The following GLIS3 variants were observed in gnomAD, a reference collection of about 807,000 sequenced individuals.
GLIS3 encodes zinc finger protein GLIS3.
Under a neutral mutation model 78.6 loss-of-function variants are expected in GLIS3, and 53 were observed. The observed-to-expected ratio is 0.67, with a 90% CI of 0.54 to 0.85. The LOEUF (loss-of-function observed/expected upper bound fraction) is 0.85. Ranked by LOEUF, GLIS3 falls within the 40% of genes least tolerant of loss-of-function variation. The pLI, the probability that GLIS3 is intolerant of heterozygous loss-of-function variation, is 0.00. For synonymous variants in GLIS3, 684 were observed against 509.9 expected (o/e 1.34, Z -4.60); for missense variants, 1,703 against 1,231.1 (o/e 1.38, Z -5.74).
At chr9:4,285,295 T>C (rs1827892348) in intron 2 of GLIS3, among the ~76,000 whole-genome samples, 2 of 152,252 alleles carry the variant, frequency 1.3e-5, no homozygotes, top group Non-Finnish European at 2.9e-5. Flanking sequence ...CAATTTCTAA[T>C]GTGTCGCTCA....
chr9:4,403,191 AACTTTT>A, the GLIS3 span, among the ~76,000 whole-genome samples: 2 of 152,304 alleles, frequency 1.3e-5, no homozygotes, highest in African/African-American at 4.8e-5. Flanking sequence ...GACGGAACAT[AACTTTT>A]ACCCTATCTG....
At chr9:4,357,796 G>C in the GLIS3 span, among the ~76,000 whole-genome samples, 1 of 152,112 alleles carries the variant, frequency 6.6e-6, no homozygotes, top group Non-Finnish European at 1.5e-5. Flanking sequence ...TGAATACAGG[G>C]ATCAGGGCCA....
the GLIS3 span, among the ~76,000 whole-genome samples, chr9:4,382,485 G>A: frequency 1.1e-4 from 16 of 152,244 alleles, no homozygotes; most frequent in Non-Finnish European, 2.1e-4. Context: ...AAGCCTCTCT[G>A]ATTACCTCAC....
chr9:3,879,146 G>A (rs565389866), intron 8 of GLIS3, among the ~76,000 whole-genome samples: 62 of 152,268 alleles, frequency 4.1e-4, no homozygotes, highest in African/African-American at 1.1e-3. Flanking sequence ...GAAACAGACC[G>A]ATGAAAGGTA....
intron 2 of GLIS3, among the ~76,000 whole-genome samples, chr9:4,334,919 TTTTTTTTG>T (rs1219679013): frequency 6.7e-6 from 1 of 148,752 alleles, no homozygotes; most frequent in African/African-American, 2.5e-5. Context: ...TTTTTTTTTT[TTTTTTTTG>T]AAACGGAGTC....
intron 4 of GLIS3, among the ~76,000 whole-genome samples, chr9:4,083,108 AATTTG>A (rs1277821188): frequency 6.6e-6 from 1 of 152,166 alleles, no homozygotes; most frequent in African/African-American, 2.4e-5. Context: ...AGGGAACAGA[AATTTG>A]ATTTAATTGA....
Position 3,827,562 on chromosome 9 carries a change from G to A in GLIS3, c.*710C>T, listed in dbSNP as rs1256515506. The A allele has an allele frequency of 1.3e-5, 2 of 152,916 alleles. No individual in the cohort carries two copies. Among genetic ancestry groups the A allele is most frequent in the East Asian group, 1.9e-4 (1 of 5,196 alleles). 9.5% of individuals were successfully genotyped at this position (152,916 alleles called of 1,614,324 possible). ...GCTGTGCAAAATGTCTATAGCTGGG[G>A]TGATTACAATAATAATGATTTCCAT... On this transcript the variant is annotated 3_prime_UTR_variant, in exon 11 of 11. Coordinates refer to ENST00000381971, the MANE Select transcript of GLIS3 (RefSeq NM_001042413.2).
At chr9:3,958,403 T>TA (rs1817306222) in intron 4 of GLIS3, among the ~76,000 whole-genome samples, 1 of 151,780 alleles carries the variant, frequency 6.6e-6, no homozygotes, top group Non-Finnish European at 1.5e-5. Flanking sequence ...ATTTTACTAA[T>TA]AAAGAGGTAA....
At chr9:4,424,041 A>G in the GLIS3 span, among the ~76,000 whole-genome samples, 3 of 152,236 alleles carry the variant, frequency 2.0e-5, no homozygotes, top group Non-Finnish European at 2.9e-5. Context: ...AATGTTAGAA[A>G]TATTCCCTAA....
rs150869169 is a variant in GLIS3 at position 3,928,357 on chromosome 9, C to T, written c.1983+4003G>A. Among the ~76,000 whole-genome samples the T allele has an allele frequency of 2.2e-4, 34 of 152,348 alleles. No individual in the cohort carries two copies. In the East Asian group the frequency reaches 6.6e-3, roughly 29 times the overall value. Reference sequence around the variant, plus strand: ...GGGGTGGCCCTGATCATGCACCCCACTTGTGCATACACCATCTGCCGTCTA... The same window carrying T: ...GGGGTGGCCCTGATCATGCACCCCATTTGTGCATACACCATCTGCCGTCTA... On this transcript the variant is annotated intron_variant, in intron 6 of 10. Transcript: ENST00000381971.
intron 4 of GLIS3, among the ~76,000 whole-genome samples, chr9:3,968,873 G>A (rs906936846): frequency 2.4e-4 from 36 of 152,182 alleles, no homozygotes; most frequent in African/African-American, 8.4e-4. Context: ...CATCCACTGG[G>A]GTTTAGACTG....
At chr9:4,165,934 A>G (rs10758561) in intron 2 of GLIS3, among the ~76,000 whole-genome samples, 59,507 of 152,096 alleles carry the variant, frequency 0.39, 13,563 homozygotes, top group East Asian at 0.71. Context: ...GAGAGAAAGT[A>G]CTACTGTGCT....
intron 2 of GLIS3, among the ~76,000 whole-genome samples, chr9:4,324,458 A>C (rs1403602049): frequency 6.6e-6 from 1 of 152,254 alleles, no homozygotes; most frequent in Non-Finnish European, 1.5e-5. Flanking sequence ...TGAGAACCAT[A>C]TGAGATAAAA....
chr9:4,271,265 A>G (rs1489263839), intron 2 of GLIS3, among the ~76,000 whole-genome samples: 2 of 152,206 alleles, frequency 1.3e-5, no homozygotes, highest in Non-Finnish European at 2.9e-5. Context: ...TACAATACAT[A>G]CAAAATACAT....
At chr9:4,470,867 C>A in the GLIS3 span, among the ~76,000 whole-genome samples, 4 of 151,868 alleles carry the variant, frequency 2.6e-5, no homozygotes, top group Non-Finnish European at 5.9e-5. Context: ...ATTGTCTCAG[C>A]CCAAAATCTC....
intron 4 of GLIS3, 101 bp from the exon 5 acceptor site, chr9:3,937,290 A>C: frequency 8.9e-7 from 1 of 1,127,046 alleles, no homozygotes; most frequent in Non-Finnish European, 1.3e-6. Flanking sequence ...ACTTTGCCGA[A>C]AATGATAAAA....
chr9:3,977,574 T>A lies in GLIS3; in HGVS notation c.1711-40385A>T, dbSNP rs915318600. On this transcript the variant is annotated intron_variant, in intron 4 of 10. Transcript: ENST00000381971. This position sits in a 1 kb window ranked among gnomAD's most constrained non-coding sequence, Gnocchi z 4.1. The stretch of plus-strand genomic sequence containing the variant: ...CCCTGCTCAGATGTGCTGTATGGGA[T>A]GTGAGCTGGGTTTCAGATTTTCAAT... Among the ~76,000 whole-genome samples, 1 of 152,328 alleles carries A rather than the reference T, an allele frequency of 6.6e-6. No homozygotes were observed. The highest frequency in any genetic ancestry group is 2.4e-5 in the African/African-American group (1 of 41,576).
the GLIS3 span, among the ~76,000 whole-genome samples, chr9:4,378,184 C>A: frequency 1.3e-5 from 2 of 152,088 alleles, no homozygotes; most frequent in Non-Finnish European, 2.9e-5. Context: ...TTTTAATGAG[C>A]ATTTACTATG....
intron 2 of GLIS3, among the ~76,000 whole-genome samples, chr9:4,256,919 T>A (rs7041543): frequency 0.8 from 120,838 of 151,914 alleles, 48,861 homozygotes; most frequent in East Asian, 0.98. Flanking sequence ...AGCATTATTC[T>A]CAATAGCCAC....
Sources: allele counts gnomAD v4.1 joint callset (sites outside exome capture counted in the v4.1 genomes callset), GRCh38; gene constraint gnomAD v4.1.1; non-coding constraint Gnocchi (gnomAD v3.1); transcripts MANE v1.5; gene names NCBI Gene and HGNC (gene_info 2026-07-23, HGNC 2026-07-21).